Variants in HELZ observed in about 807,000 individuals in gnomAD.
HELZ encodes the protein ATP-dependent RNA helicase with zinc finger domain.
HELZ carries 23 observed loss-of-function variants against 218.2 expected under a neutral mutation model. The observed-to-expected ratio is 0.11, with a 90% CI of 0.08 to 0.15. HELZ has a LOEUF of 0.15. Ranked by LOEUF, HELZ falls within the 10% of genes least tolerant of loss-of-function variation. HELZ has a pLI of 1.00. For missense variants in HELZ, 1,813 were observed against 2,353.7 expected (o/e 0.77, Z 4.75); for synonymous variants, 814 against 829.4 (o/e 0.98, Z 0.32).
chr17:67,196,009 G>A (rs1184168581), intron 7 of HELZ, among the ~76,000 whole-genome samples: 1 of 151,498 alleles, frequency 6.6e-6, no homozygotes, highest in Non-Finnish European at 1.5e-5. Context: ...CCACCACCAC[G>A]CCTGACTAAT....
chr17:67,183,234 C>T (rs537469184), intron 12 of HELZ, among the ~76,000 whole-genome samples: 47 of 152,300 alleles, frequency 3.1e-4, no homozygotes, highest in African/African-American at 1.1e-3. Context: ...CTTTCTTTCA[C>T]CCAAACTGCC....
At chr17:67,199,514 G>C (rs1266030389) in intron 7 of HELZ, among the ~76,000 whole-genome samples, 2 of 152,020 alleles carry the variant, frequency 1.3e-5, no homozygotes, top group Admixed American at 1.3e-4. Flanking sequence ...CACCGGGACT[G>C]TTTTGCCATT....
intron 3 of HELZ, among the ~76,000 whole-genome samples, chr17:67,234,207 C>T (rs546846499): frequency 6.0e-5 from 9 of 149,536 alleles, no homozygotes; most frequent in African/African-American, 2.2e-4. Flanking sequence ...CCTCTAATCC[C>T]AGCTACTAGG....
chr17:67,161,205 G>A (rs1372071630), intron 15 of HELZ, 129 bp from the exon 16 acceptor site: 2 of 632,976 alleles, frequency 3.2e-6, no homozygotes, highest in Admixed American at 3.5e-5. Context: ...AAAAACAAAT[G>A]CTTATTCTAA....
At chr17:67,103,949 A>G (rs1306970758) in intron 31 of HELZ, among the ~76,000 whole-genome samples, 3 of 152,246 alleles carry the variant, frequency 2.0e-5, no homozygotes, top group Non-Finnish European at 4.4e-5. Flanking sequence ...CAGCATCTAC[A>G]GTCAACTGAT....
chr17:67,095,805 C>A (rs1331706438), intron 31 of HELZ, among the ~76,000 whole-genome samples: 1 of 152,146 alleles, frequency 6.6e-6, no homozygotes, highest in Non-Finnish European at 1.5e-5. Context: ...TTTAGCAATA[C>A]AGTATATATT....
rs200672865 is a variant in HELZ, at chr17:67,086,641, T to A, written c.5494+188A>T. Among the ~76,000 whole-genome samples, 269 of 92,670 alleles carry A rather than the reference T, an allele frequency of 2.9e-3. 2 individuals are homozygous for A. Among genetic ancestry groups the A allele is most frequent in the African/African-American group, 8.1e-3 (230 of 28,378 alleles). 60.8% of individuals were successfully genotyped at this position (92,670 alleles called of 152,430 possible). ...ATAAATATAAATATAAATATATATA[T>A]ATATATATATATATATATATATAGA... On this transcript the variant is annotated intron_variant, in intron 32 of 32. Transcript: ENST00000358691.
intron 2 of HELZ, among the ~76,000 whole-genome samples, chr17:67,243,439 A>C (rs1455868221): frequency 6.6e-6 from 1 of 152,230 alleles, no homozygotes; most frequent in Non-Finnish European, 1.5e-5. Context: ...ATAGACACCA[A>C]AACACAAATA....
chr17:67,094,905 A>T (rs2064658812), intron 31 of HELZ, among the ~76,000 whole-genome samples: 1 of 152,226 alleles, frequency 6.6e-6, no homozygotes, highest in Non-Finnish European at 1.5e-5. Context: ...TATTGCTAAA[A>T]AATGCTCACT....
chr17:67,136,325 G>A (rs1215584093), intron 22 of HELZ, 127 bp from the exon 23 acceptor site: 1 of 669,392 alleles, frequency 1.5e-6, no homozygotes, highest in Non-Finnish European at 2.5e-6. Flanking sequence ...TGGAGAAACT[G>A]AAACCCTTAT....
intron 17 of HELZ, among the ~76,000 whole-genome samples, chr17:67,153,678 C>A (rs1264011088): frequency 2.0e-5 from 3 of 152,210 alleles, no homozygotes; most frequent in Non-Finnish European, 4.4e-5. Context: ...AGCCCCCCCA[C>A]TTCCCTTCAC....
At chr17:67,245,524 T>A, upstream of HELZ, 1 of 985,238 alleles carries the variant, frequency 1.0e-6, no homozygotes, top group Non-Finnish European at 1.2e-6. Context: ...ACCCGAGGTT[T>A]CCTTGCCGCC....
chr17:67,075,144 A>T lies in HELZ; in HGVS notation c.*3108T>A, dbSNP rs2143487375. On this transcript the variant is annotated 3_prime_UTR_variant, in exon 33 of 33. Coordinates refer to ENST00000358691, the MANE Select transcript of HELZ (RefSeq NM_014877.4). ...AACAAAAGACCATTTTTAGATCATGAAAAGAATTTTTTCAGCATGAAGGCT... is the reference window on the plus strand; with the variant it reads ...AACAAAAGACCATTTTTAGATCATGTAAAGAATTTTTTCAGCATGAAGGCT... The T allele has an allele frequency of 6.6e-6, 1 of 152,274 alleles. No homozygotes were observed. The highest frequency in any genetic ancestry group is 2.1e-4 in the South Asian group (1 of 4,834). 9.4% of individuals were successfully genotyped at this position (152,274 alleles called of 1,614,324 possible). A position where few individuals can be genotyped will look rare whatever the true frequency, so the allele number is the denominator to read the frequency against.
rs762547482 is a variant in HELZ at position 67,120,470 on chromosome 17, G to C, written c.3773C>G (p.Pro1258Arg). ...PIPYGLGHHP[P>R]VTIGQPQNQH... ...ATTTTGTGGCTGGCCTATGGTGACA[G>C]GTGGGTGATGTCCAAGGCCATAAGG... is the stretch of plus-strand genomic sequence containing the variant. Residue 1258 changes from proline to arginine, a missense_variant, in exon 27 of 33, where the codon CCT becomes CGT. Around this residue, in one of 4 missense-constraint regions of HELZ, gnomAD observed 938 missense variants for 1,027.5 expected, o/e 0.91. Transcript: ENST00000358691. 5.4e-5 allele frequency: 87 copies of C among 1,613,946 alleles called. No individual in the cohort carries two copies. The highest frequency in any genetic ancestry group is 6.9e-5 in the Non-Finnish European group (82 of 1,180,008).
intron 31 of HELZ, among the ~76,000 whole-genome samples, chr17:67,101,238 A>G (rs2036920023): frequency 6.6e-6 from 1 of 152,202 alleles, no homozygotes; most frequent in South Asian, 2.1e-4. Flanking sequence ...AGTTTAATGT[A>G]TTTCAAATAA....
rs755830656 is a variant in HELZ at position 67,109,643 on chromosome 17, C to A, written c.3962G>T (p.Arg1321Leu). ...SNPQNRSPES[R>L]PSVVYPSTKF... The stretch of plus-strand genomic sequence containing the variant: ...GGTACTGGGATAAACAACACTAGGA[C>A]GTGATTCAGGACTTCTGTTCTGTGG... Residue 1321 changes from arginine to leucine, a missense_variant, in exon 29 of 33, where the codon CGT (arginine) becomes CTT (leucine). By Grantham distance (102) the Arg-to-Leu change is moderately radical. Transcript: ENST00000358691. 1.2e-6 allele frequency: 2 copies of A among 1,613,820 alleles called. No homozygotes were observed. Among genetic ancestry groups the A allele is most frequent in the East Asian group, 2.2e-5 (1 of 44,888 alleles).
At chr17:67,238,022 CG>C (rs1168708842) in intron 3 of HELZ, among the ~76,000 whole-genome samples, 1 of 146,662 alleles carries the variant, frequency 6.8e-6, no homozygotes, top group Non-Finnish European at 1.5e-5. Flanking sequence ...AAGCTTTTTG[CG>C]GATGAAGATA....
Position 67,235,291 on chromosome 17 carries a change from G to A in HELZ, c.-19+4142C>T, listed in dbSNP as rs2041147110. The stretch of plus-strand genomic sequence containing the variant: ...GGAGGCCAAGGCGGGTGGATCACGA[G>A]GTCAGAAGTTCAAGACCAGCCTGAA... On this transcript the variant is annotated intron_variant, in intron 3 of 32. Transcript: ENST00000358691. Among the ~76,000 whole-genome samples the A allele has an allele frequency of 1.3e-5, 2 of 152,024 alleles. 1 individual carries two copies.
rs1311409915 is a variant in HELZ, at chr17:67,074,215, A to G, written c.*4037T>C. 6.7e-6 allele frequency: 1 copy of G among 150,176 alleles called. No homozygotes were observed. Among genetic ancestry groups the G allele is most frequent in the African/African-American group, 2.5e-5 (1 of 40,640 alleles). 9.3% of individuals were successfully genotyped at this position (150,176 alleles called of 1,614,324 possible). On this transcript the variant is annotated 3_prime_UTR_variant, in exon 33 of 33. Coordinates refer to ENST00000358691, the MANE Select transcript of HELZ (RefSeq NM_014877.4). ...AGCAAGAAATAATGTACGGTAAATC[A>G]TAAAAGACAAATTACTACCATTGAG...
Sources: allele counts gnomAD v4.1 joint callset (sites outside exome capture counted in the v4.1 genomes callset), GRCh38; gene constraint gnomAD v4.1.1; regional missense constraint gnomAD v4.1.1; transcripts MANE v1.5; gene names NCBI Gene and HGNC (gene_info 2026-07-23, HGNC 2026-07-21).